DYSF: variants seen among roughly 807,000 people sequenced by gnomAD.
DYSF encodes the protein dysferlin, also known as dystrophy-associated fer-1-like 1.
In DYSF, 212 loss-of-function variants were observed where a neutral mutation model predicts 274.9. That is an observed-to-expected ratio of 0.77 (90% confidence interval 0.69 to 0.86). The LOEUF is 0.86. DYSF is among the 40% of genes least tolerant of loss of function. The pLI, the probability that DYSF is intolerant of heterozygous loss-of-function variation, is 0.00. For synonymous variants in DYSF, 1,091 were observed against 1,078.7 expected, an observed-to-expected ratio of 1.01 and a Z score of -0.22; for missense variants, 2,666 against 2,783.2, an observed-to-expected ratio of 0.96 and a Z score of 0.95.
At chr2:71,560,593 C>A (rs985961614) in intron 22 of DYSF, among the ~76,000 whole-genome samples, 1 of 152,200 alleles carries the variant, frequency 6.6e-6, no homozygotes, top group African/African-American at 2.4e-5. Context: ...GTACTGCTCC[C>A]CCCATCCTAA....
chr2:71,660,509 A>G (rs751834484), intron 44 of DYSF, 51 bp from the exon 45 acceptor site: 3 of 1,523,488 alleles, frequency 2.0e-6, no homozygotes, highest in Non-Finnish European at 2.7e-6. Flanking sequence ...TGAAGCCTCA[A>G]AGACAGGTTT....
At chr2:71,673,264 T>C (rs988021456) in intron 51 of DYSF, among the ~76,000 whole-genome samples, 5 of 152,148 alleles carry the variant, frequency 3.3e-5, no homozygotes, top group African/African-American at 1.2e-4. Flanking sequence ...GTGGGTTGAG[T>C]GTGGCTGGAC....
intron 32 of DYSF, among the ~76,000 whole-genome samples, chr2:71,594,447 C>A (rs148163898): frequency 6.6e-6 from 1 of 152,154 alleles, no homozygotes; most frequent in South Asian, 2.1e-4. Context: ...GGCTCTGAGG[C>A]GGCTGCAGGG....
Position 71,568,397 on chromosome 2 carries a change from C to T in DYSF, c.2864+59C>T, listed in dbSNP as rs150759843. The T allele has an allele frequency of 0.015, 23,402 of 1,595,386 alleles. 228 individuals are homozygous for T. The highest frequency in any genetic ancestry group is 0.015 in the Non-Finnish European group (17,929 of 1,169,482). On this transcript the variant is annotated intron_variant, in intron 26 of 55. Transcript: ENST00000410020. ...AGGCCAGGCTGCCCACCATGGACTGCACCCTCCTTTTGGAGGCAGGCTGGG... is the reference window on the plus strand; with the variant it reads ...AGGCCAGGCTGCCCACCATGGACTGTACCCTCCTTTTGGAGGCAGGCTGGG...
rs79104651 is a variant in DYSF, at chr2:71,535,142, C to T, written c.1449+53C>T. On this transcript the variant is annotated intron_variant, in intron 15 of 55. Transcript: ENST00000410020. ...AGGAGGCCCCTGGGGCTCTGGGCTT[C>T]GGGAGGTCCAGGGCTCCTGCCTCCC... 6,668 of 1,610,374 alleles carry T rather than the reference C, an allele frequency of 4.1e-3. 192 individuals are homozygous for T. The African/African-American group carries it at 0.068, about 16-fold the overall frequency.
chr2:71,646,458 A>G (rs1464493773), intron 42 of DYSF, among the ~76,000 whole-genome samples: 1 of 152,238 alleles, frequency 6.6e-6, no homozygotes, highest in Non-Finnish European at 1.5e-5. Context: ...TCTGGGGGGA[A>G]AACTAGACCT....
In DYSF at chr2:71,663,024, C is replaced by CGT. The variant is rs757887151; in HGVS notation, c.5004-1228_5004-1227dup. On this transcript the variant is annotated intron_variant, in intron 45 of 55. Coordinates refer to ENST00000410020, the MANE Select transcript of DYSF (RefSeq NM_001130987.2). Reference sequence around the variant, plus strand: ...GTGTGTGTATATTTGTGTATGTTTACGTGTGTGTGTGTGTGTGCGCGCACG... The same window carrying CGT: ...GTGTGTGTATATTTGTGTATGTTTACGTGTGTGTGTGTGTGTGTGCGCGCACG... 7.3e-3 allele frequency among the ~76,000 whole-genome samples: 1,082 copies of CGT among 148,018 alleles called. 17 individuals carry two copies. The highest frequency in any genetic ancestry group is 0.018 in the Middle Eastern group (5 of 282).
chr2:71,582,322 A>T (rs980781341), intron 30 of DYSF, among the ~76,000 whole-genome samples: 5 of 152,084 alleles, frequency 3.3e-5, no homozygotes, highest in African/African-American at 1.2e-4. Context: ...TGGGCCAGCC[A>T]TTGCCTTCTG....
chr2:71,540,166 A>G (rs1372089234), intron 17 of DYSF, among the ~76,000 whole-genome samples: 1 of 137,764 alleles, frequency 7.3e-6, no homozygotes, highest in Admixed American at 7.8e-5. Flanking sequence ...GCTGCAGTGT[A>G]GTGGCCCAAA....
intron 1 of DYSF, among the ~76,000 whole-genome samples, chr2:71,455,492 C>A (rs146773961): frequency 1.7e-4 from 26 of 152,296 alleles, no homozygotes; most frequent in African/African-American, 6.3e-4. Flanking sequence ...TGAGCTTTAT[C>A]CAGGTGTTTC....
chr2:71,513,777 C>T lies in DYSF; in HGVS notation c.615C>T (p.Phe205=), dbSNP rs2086352487. 6.2e-7 allele frequency: 1 copy of T among 1,614,170 alleles called. No homozygotes were observed. The highest frequency in any genetic ancestry group is 8.5e-7 in the Non-Finnish European group (1 of 1,180,010). ...TCACTGGAGATGAGGCGGAGCCATT[C>T]CTGGATCAAAGCGGAGGCCCGGGGG... is the stretch of plus-strand genomic sequence containing the variant. The part of the protein sequence containing the change: ...QGLTGDEAEP[F]LDQSGGPGAP... Residue 205 remains phenylalanine (F), a synonymous_variant, in exon 7 of 56, where the codon TTC becomes TTT. Coordinates refer to ENST00000410020, the MANE Select transcript of DYSF (RefSeq NM_001130987.2).
chr2:71,565,939 G>A (rs72827551), intron 24 of DYSF, among the ~76,000 whole-genome samples: 3,227 of 152,354 alleles, frequency 0.021, 44 homozygotes, highest in Middle Eastern at 0.061. Context: ...CATGACTGGA[G>A]GCCAACTCAA....
At chr2:71,517,191 C>T (rs1487893892) in intron 10 of DYSF, 152 bp downstream of exon 10, 1 of 786,958 alleles carries the variant, frequency 1.3e-6, no homozygotes, top group African/African-American at 1.7e-5. Context: ...CTCTGCACAG[C>T]ATCTCCTTTC....
Position 71,602,834 on chromosome 2 carries a change from T to A in DYSF, c.3957+29T>A, listed in dbSNP as rs777398107. 3 of 1,611,028 alleles carry A rather than the reference T, an allele frequency of 1.9e-6. No homozygotes were observed. The South Asian group carries it at 3.3e-5, about 18-fold the overall frequency. The stretch of plus-strand genomic sequence containing the variant: ...AGCTGGGCGTGGTGGTTGGGATGGG[T>A]GGGCCGAGGTAGAGGGAAGGTGAAG... On this transcript the variant is annotated intron_variant, in intron 36 of 55. Transcript: ENST00000410020.
chr2:71,611,089 T>C (rs561618749), intron 36 of DYSF, among the ~76,000 whole-genome samples, 156 bp from the exon 37 acceptor site: 1 of 152,278 alleles, frequency 6.6e-6, no homozygotes, highest in East Asian at 1.9e-4. Flanking sequence ...ACTTAGCTTT[T>C]TCGTTTCTGC....
chr2:71,638,108 T>C (rs2094434051), intron 41 of DYSF, among the ~76,000 whole-genome samples: 1 of 152,004 alleles, frequency 6.6e-6, no homozygotes, highest in South Asian at 2.1e-4. Context: ...GGTAAATAGC[T>C]TGTTCTATTA....
At chr2:71,537,230 T>G (rs1038919744) in intron 16 of DYSF, among the ~76,000 whole-genome samples, 13 of 142,270 alleles carry the variant, frequency 9.1e-5, no homozygotes, top group Admixed American at 4.9e-4. Flanking sequence ...TTTGTTTTTT[T>G]TTTTTTTTTT....
At position 71,484,043 on chromosome 2, in the gene DYSF, CCCT is replaced by C. The variant is rs1334596727; in HGVS notation, c.239+2074_239+2076del. Reference sequence around the variant, plus strand: ...TTTTACAGGCTCTGTGGGGAGATTTCCCTTTTTTTTTTTTTTTTTTTTTTTTTG... The same window carrying C: ...TTTTACAGGCTCTGTGGGGAGATTTCTTTTTTTTTTTTTTTTTTTTTTTTG... On this transcript the variant is annotated intron_variant, in intron 3 of 55. Transcript: ENST00000410020. Among the ~76,000 whole-genome samples, 6 of 119,892 alleles carry C rather than the reference CCCT, an allele frequency of 5.0e-5. No individual in the cohort carries two copies. The East Asian group carries it at 1.7e-3, about 34-fold the overall frequency. 78.7% of individuals were successfully genotyped at this position (119,892 alleles called of 152,430 possible).
At chr2:71,568,454 G>A (rs1389028594) in intron 26 of DYSF, 116 bp downstream of exon 26, 2 of 1,376,978 alleles carry the variant, frequency 1.5e-6, no homozygotes, top group Admixed American at 3.9e-5. Flanking sequence ...CTCCTGCGCT[G>A]GTCATAGGAA....
Sources: allele counts gnomAD v4.1 joint callset (sites outside exome capture counted in the v4.1 genomes callset), GRCh38; gene constraint gnomAD v4.1.1; transcripts MANE v1.5; gene names NCBI Gene and HGNC (gene_info 2026-07-23, HGNC 2026-07-21).